Variants in RALGPS1 observed in about 807,000 individuals in gnomAD.
RALGPS1 encodes ras-specific guanine nucleotide-releasing factor RalGPS1.
A neutral mutation model predicts 78.8 loss-of-function variants in RALGPS1; 19 were observed. That is an observed-to-expected ratio of 0.24 (90% CI 0.17 to 0.35). The LOEUF is 0.35. Among genes scored for constraint, RALGPS1 ranks in the 10% least tolerant of loss-of-function variants. The probability of loss-of-function intolerance (pLI) is 1.00; values close to 1 mark genes in which losing one functional copy is unlikely to be tolerated. For missense variants in RALGPS1, 454 were observed against 688.3 expected, an observed-to-expected ratio of 0.66 and a Z score of 3.81; for synonymous variants, 228 against 256.3, an observed-to-expected ratio of 0.89 and a Z score of 1.06.
chr9:126,917,988 T>C (rs1301852740), intron 1 of RALGPS1, among the ~76,000 whole-genome samples: 2 of 152,204 alleles, frequency 1.3e-5, no homozygotes, highest in African/African-American at 2.4e-5. Context: ...TTTAAAAATA[T>C]CTGTCTAGCA....
intron 11 of RALGPS1, among the ~76,000 whole-genome samples, chr9:127,192,761 C>T (rs890446958): frequency 2.0e-5 from 3 of 152,184 alleles, no homozygotes; most frequent in Non-Finnish European, 2.9e-5. Context: ...GTGTGGACAA[C>T]TCCAGCATGA....
chr9:126,940,807 G>A (rs2036709624), intron 1 of RALGPS1, among the ~76,000 whole-genome samples: 1 of 152,168 alleles, frequency 6.6e-6, no homozygotes, highest in Non-Finnish European at 1.5e-5. Flanking sequence ...GCAGCACCAG[G>A]CACCAGACCC....
At chr9:127,043,147 T>C (rs1463164761) in intron 5 of RALGPS1, among the ~76,000 whole-genome samples, 1 of 152,166 alleles carries the variant, frequency 6.6e-6, no homozygotes, top group Non-Finnish European at 1.5e-5. Flanking sequence ...TAGAAAGCTG[T>C]TTTACAAATA....
Position 126,977,773 on chromosome 9 carries a change from A to G in RALGPS1, c.216+28A>G, listed in dbSNP as rs373426163. ...CTGTACTTTGTCTTTCTACTCTTCT[A>G]TTCATGCTGTGGGTGGGCAGCGAGG... On this transcript the variant is annotated intron_variant, in intron 4 of 18. Transcript: ENST00000259351. The G allele has an allele frequency of 3.5e-5, 54 of 1,534,848 alleles. No individual in the cohort carries two copies. In the African/African-American group the frequency reaches 6.4e-4, roughly 18 times the overall value.
chr9:126,966,592 AT>A (rs2039523967), intron 3 of RALGPS1, among the ~76,000 whole-genome samples: 1 of 151,024 alleles, frequency 6.6e-6, no homozygotes, highest in Non-Finnish European at 1.5e-5. Context: ...TGAGGTCTAG[AT>A]TTTTTGTTTA....
intron 14 of RALGPS1, 139 bp downstream of exon 14, chr9:127,199,205 T>C (rs2140678546): frequency 3.6e-6 from 3 of 828,764 alleles, no homozygotes; most frequent in South Asian, 2.8e-5. Flanking sequence ...GCAGACTGGC[T>C]GGGGCAGGGC....
In RALGPS1 at chr9:127,217,081, C is replaced by T. The variant is rs921563853; in HGVS notation, c.1645-1659C>T. On this transcript the variant is annotated intron_variant, in intron 18 of 18. Coordinates refer to ENST00000259351, the MANE Select transcript of RALGPS1 (RefSeq NM_014636.3). ...AACCCATTGTCCCTCTTTGGAGGAG[C>T]GGCCAGAGGATGACAGCAGCCCCAG... 1.7e-5 allele frequency: 23 copies of T among 1,390,458 alleles called. No homozygotes were observed. The East Asian group carries it at 1.9e-4, about 12-fold the overall frequency. 86.1% of individuals were successfully genotyped at this position (1,390,458 alleles called of 1,614,324 possible).
Position 127,060,180 on chromosome 9 carries a change from G to A in RALGPS1, c.483+7241G>A, listed in dbSNP as rs950687614. Among the ~76,000 whole-genome samples, 28 of 152,120 alleles carry A rather than the reference G, an allele frequency of 1.8e-4. 1 individual carries two copies. The highest frequency in any genetic ancestry group is 2.9e-5 in the Non-Finnish European group (2 of 68,036). The stretch of plus-strand genomic sequence containing the variant: ...CTACCCGTAGAAATCAGAGAGACAC[G>A]TCAGGTATTGCTGCATCAAAAAGTC... On this transcript the variant is annotated intron_variant, in intron 7 of 18. Transcript: ENST00000259351.
At chr9:126,997,158 A>G (rs999932230) in intron 4 of RALGPS1, among the ~76,000 whole-genome samples, 12 of 152,330 alleles carry the variant, frequency 7.9e-5, no homozygotes, top group Admixed American at 5.9e-4. Context: ...CTCCTATTCA[A>G]CATAGTGTTG....
intron 4 of RALGPS1, among the ~76,000 whole-genome samples, chr9:127,007,349 C>A (rs1015791230): frequency 3.3e-5 from 5 of 152,174 alleles, no homozygotes; most frequent in Non-Finnish European, 7.3e-5. Context: ...TGGGTGCTTC[C>A]TTAGGCACCA....
chr9:126,982,175 A>G (rs1362374139), intron 4 of RALGPS1, among the ~76,000 whole-genome samples: 1 of 152,218 alleles, frequency 6.6e-6, no homozygotes, highest in Non-Finnish European at 1.5e-5. Context: ...TCCTATTAGT[A>G]TCACAGATCA....
chr9:127,030,322 G>A (rs955809836), intron 4 of RALGPS1, among the ~76,000 whole-genome samples: 4 of 152,194 alleles, frequency 2.6e-5, no homozygotes, highest in Non-Finnish European at 5.9e-5. Flanking sequence ...TGGACAAGTT[G>A]AGGTGGAGAT....
chr9:127,214,893 TG>T (rs766933147), intron 18 of RALGPS1, 51 bp downstream of exon 18: 1 of 1,610,954 alleles, frequency 6.2e-7, no homozygotes, highest in South Asian at 1.1e-5. Flanking sequence ...CTCCCACCCT[TG>T]GAACTAAGGG....
At chr9:127,062,207 C>T (rs1030962938) in intron 7 of RALGPS1, among the ~76,000 whole-genome samples, 1 of 152,104 alleles carries the variant, frequency 6.6e-6, no homozygotes, top group Non-Finnish European at 1.5e-5. Flanking sequence ...ACACCATTCT[C>T]TTGCCTCAGC....
chr9:127,109,279 T>C (rs2054566300), intron 8 of RALGPS1, among the ~76,000 whole-genome samples: 1 of 152,254 alleles, frequency 6.6e-6, no homozygotes, highest in South Asian at 2.1e-4. Flanking sequence ...TTCTGTTTGA[T>C]CTTCTCTGTT....
At chr9:127,201,702 C>G (rs574256338) in intron 14 of RALGPS1, among the ~76,000 whole-genome samples, 1 of 152,252 alleles carries the variant, frequency 6.6e-6, no homozygotes, top group South Asian at 2.1e-4. Flanking sequence ...CTTAGCTCCT[C>G]CAGGTCCTCC....
At chr9:127,099,789 T>C (rs185814744) in intron 8 of RALGPS1, among the ~76,000 whole-genome samples, 2 of 152,372 alleles carry the variant, frequency 1.3e-5, no homozygotes, top group Admixed American at 6.5e-5. Context: ...TTTCAGTTCC[T>C]GCAGAACCTC....
At chr9:127,213,121 T>G in intron 17 of RALGPS1, 72 bp downstream of exon 17, 1 of 1,590,852 alleles carries the variant, frequency 6.3e-7, no homozygotes, top group Non-Finnish European at 8.5e-7. Context: ...GCGTGCATTT[T>G]GAAATTATTA....
rs186216658 is a variant in RALGPS1, at chr9:127,132,351, A to G, written c.611-33718A>G. On this transcript the variant is annotated intron_variant, in intron 8 of 18. Transcript: ENST00000259351. ...AAGGGTACGTTAAAAAAAGGTTCCTATAAATCGTCTTGCAGAAATTACTTC... is the reference window on the plus strand; with the variant it reads ...AAGGGTACGTTAAAAAAAGGTTCCTGTAAATCGTCTTGCAGAAATTACTTC... Among the ~76,000 whole-genome samples the G allele has an allele frequency of 1.9e-3, 294 of 152,346 alleles. 2 individuals are homozygous for G. Among genetic ancestry groups the G allele is most frequent in the African/African-American group, 6.8e-3 (282 of 41,576 alleles).
Sources: allele counts gnomAD v4.1 joint callset (sites outside exome capture counted in the v4.1 genomes callset), GRCh38; gene constraint gnomAD v4.1.1; transcripts MANE v1.5; gene names NCBI Gene and HGNC (gene_info 2026-07-23, HGNC 2026-07-21).